Variants in SDC2 observed in about 807,000 individuals in gnomAD.
SDC2 encodes the protein syndecan-2.
A neutral mutation model predicts 22.2 loss-of-function variants in SDC2; 13 were observed. The ratio of observed to expected loss-of-function variants is 0.59; its 90% confidence interval spans 0.38 to 0.93. The LOEUF (loss-of-function observed/expected upper bound fraction) is 0.93. Among genes scored for constraint, SDC2 ranks in the 40% least tolerant of loss-of-function variants. SDC2 has a pLI of 0.00. For synonymous variants in SDC2, 94 were observed against 92.8 expected, an observed-to-expected ratio of 1.01 and a Z score of -0.07; for missense variants, 235 against 246.8, an observed-to-expected ratio of 0.95 and a Z score of 0.32.
intron 1 of SDC2, among the ~76,000 whole-genome samples, chr8:96,583,059 A>ATTT (rs60193555): frequency 2.8e-5 from 3 of 107,242 alleles, no homozygotes; most frequent in African/African-American, 7.2e-5. Context: ...CTGAAGTGTG[A>ATTT]TTTTTTTTTT....
chr8:96,495,504 C>T (rs1294726564), intron 1 of SDC2, among the ~76,000 whole-genome samples: 1 of 151,238 alleles, frequency 6.6e-6, no homozygotes, highest in Non-Finnish European at 1.5e-5. Context: ...GCCTCAGTGC[C>T]CTCTGGGGTC....
chr8:96,571,300 G>C (rs143299237), intron 1 of SDC2, among the ~76,000 whole-genome samples: 1,654 of 152,246 alleles, frequency 0.011, 23 homozygotes, highest in African/African-American at 0.037. Flanking sequence ...AAGCATTTCA[G>C]GCAGAGGCAG....
At chr8:96,583,328 T>A (rs1221410542) in intron 1 of SDC2, among the ~76,000 whole-genome samples, 1 of 147,254 alleles carries the variant, frequency 6.8e-6, no homozygotes, top group Non-Finnish European at 1.5e-5. Context: ...ATATATATAT[T>A]ATATATCACA....
intron 1 of SDC2, among the ~76,000 whole-genome samples, chr8:96,531,858 T>G (rs1813666568): frequency 6.6e-6 from 1 of 152,206 alleles, no homozygotes; most frequent in African/African-American, 2.4e-5. Flanking sequence ...AAGATGTACA[T>G]GGGAACATGG....
At chr8:96,543,832 C>G (rs1813889777) in intron 1 of SDC2, among the ~76,000 whole-genome samples, 1 of 152,154 alleles carries the variant, frequency 6.6e-6, no homozygotes, top group African/African-American at 2.4e-5. Context: ...TGTGTACTTA[C>G]AAATAAATTT....
At chr8:96,564,484 G>A (rs1238685881) in intron 1 of SDC2, among the ~76,000 whole-genome samples, 1 of 152,142 alleles carries the variant, frequency 6.6e-6, no homozygotes, top group Non-Finnish European at 1.5e-5. Context: ...GCATTTTGCT[G>A]GTGTAGAATG....
At chr8:96,556,663 T>C (rs1814118742) in intron 1 of SDC2, among the ~76,000 whole-genome samples, 1 of 151,994 alleles carries the variant, frequency 6.6e-6, no homozygotes, top group Non-Finnish European at 1.5e-5. Flanking sequence ...CCTAAAACCA[T>C]AAAAACCCTA....
intron 1 of SDC2, among the ~76,000 whole-genome samples, chr8:96,513,485 G>A (rs940650309): frequency 6.6e-6 from 1 of 152,192 alleles, no homozygotes; most frequent in Non-Finnish European, 1.5e-5. Flanking sequence ...GATGCAAACA[G>A]ATTTAATACT....
At position 96,602,278 on chromosome 8, in the gene SDC2, G is replaced by A. The variant is rs571942496; in HGVS notation, c.173-117G>A. The stretch of plus-strand genomic sequence containing the variant: ...AAGCTTTGTGCTGAAGTCTTAAAGA[G>A]CCAGCATTTTGAAAGAACATGATTC... On this transcript the variant is annotated intron_variant, in intron 2 of 4. Coordinates refer to ENST00000302190, the MANE Select transcript of SDC2 (RefSeq NM_002998.4). 2.1e-5 allele frequency: 22 copies of A among 1,064,678 alleles called. No homozygotes were observed. In the East Asian group the frequency reaches 3.6e-4, roughly 17 times the overall value. The allele number at this position is 1,064,678 out of a possible 1,614,324, so 66.0% of individuals were successfully genotyped here.
chr8:96,567,944 A>G (rs1206362131), intron 1 of SDC2, among the ~76,000 whole-genome samples: 1 of 152,212 alleles, frequency 6.6e-6, no homozygotes, highest in Non-Finnish European at 1.5e-5. Context: ...AAACTCCTTC[A>G]AAGTGTTGCT....
At position 96,560,729 on chromosome 8, in the gene SDC2, CA is replaced by C. The variant is rs55777629; in HGVS notation, c.61-32739del. On this transcript the variant is annotated intron_variant, in intron 1 of 4. Coordinates refer to ENST00000302190, the MANE Select transcript of SDC2 (RefSeq NM_002998.4). Reference sequence around the variant, plus strand: ...AGCTATGTACATATACTTGATTTTCCAAAAAAAAAAAATCAAGAGGTTCATG... The same window carrying C: ...AGCTATGTACATATACTTGATTTTCCAAAAAAAAAAATCAAGAGGTTCATG... 7.0e-3 allele frequency among the ~76,000 whole-genome samples: 968 copies of C among 137,904 alleles called. 7 individuals are homozygous for C. The highest frequency in any genetic ancestry group is 0.019 in the African/African-American group (737 of 37,888). 90.5% of individuals were successfully genotyped at this position (137,904 alleles called of 152,430 possible).
chr8:96,601,958 C>T (rs1195573008), intron 2 of SDC2, among the ~76,000 whole-genome samples: 5 of 152,010 alleles, frequency 3.3e-5, no homozygotes, highest in Non-Finnish European at 7.3e-5. Flanking sequence ...TGAGGTTTCA[C>T]CATATAGGCC....
chr8:96,516,102 A>C lies in SDC2; in HGVS notation c.60+21771A>C, dbSNP rs1586274645. Among the ~76,000 whole-genome samples the C allele has an allele frequency of 2.0e-5, 3 of 152,188 alleles. No individual in the cohort carries two copies. The South Asian group carries it at 6.2e-4, about 32-fold the overall frequency. The stretch of plus-strand genomic sequence containing the variant: ...AATGCACATTCTTGCATCCCATCTC[A>C]GACCCTGCATTTGAATGTAGCTGAA... On this transcript the variant is annotated intron_variant, in intron 1 of 4. Coordinates refer to ENST00000302190, the MANE Select transcript of SDC2 (RefSeq NM_002998.4).
chr8:96,585,904 A>G (rs544771532), intron 1 of SDC2, among the ~76,000 whole-genome samples: 1 of 145,248 alleles, frequency 6.9e-6, no homozygotes, highest in Non-Finnish European at 1.5e-5. Context: ...CAGTTAATGT[A>G]CTGATTATTG....
At chr8:96,527,737 A>G (rs113993496) in intron 1 of SDC2, among the ~76,000 whole-genome samples, 119 of 152,316 alleles carry the variant, frequency 7.8e-4, no homozygotes, top group African/African-American at 2.8e-3. Context: ...AAGGCACTGA[A>G]TGTTTGGAAT....
At chr8:96,561,840 G>A (rs912684587) in intron 1 of SDC2, among the ~76,000 whole-genome samples, 12 of 152,196 alleles carry the variant, frequency 7.9e-5, no homozygotes, top group African/African-American at 2.7e-4. Flanking sequence ...TCAGGTAAGA[G>A]GGCAGACCAC....
At chr8:96,569,234 C>T (rs1156901110) in intron 1 of SDC2, among the ~76,000 whole-genome samples, 1 of 152,194 alleles carries the variant, frequency 6.6e-6, no homozygotes, top group Non-Finnish European at 1.5e-5. Context: ...GTGTTGAACT[C>T]CCGGCCTCGA....
chr8:96,504,283 T>C (rs556424071), intron 1 of SDC2, among the ~76,000 whole-genome samples: 35 of 152,366 alleles, frequency 2.3e-4, no homozygotes, highest in African/African-American at 7.9e-4. Context: ...TCTAGTTGCA[T>C]GAGTGACAGG....
At chr8:96,508,885 A>C (rs1199023182) in intron 1 of SDC2, among the ~76,000 whole-genome samples, 1 of 142,478 alleles carries the variant, frequency 7.0e-6, no homozygotes, top group Non-Finnish European at 1.6e-5. Context: ...TGGATCATGA[A>C]GTGTCTAATG....
Sources: allele counts gnomAD v4.1 joint callset (sites outside exome capture counted in the v4.1 genomes callset), GRCh38; gene constraint gnomAD v4.1.1; transcripts MANE v1.5; gene names NCBI Gene and HGNC (gene_info 2026-07-23, HGNC 2026-07-21).